Variants in ADARB2 observed in about 807,000 individuals in gnomAD.
The protein encoded by ADARB2 is inactive double-stranded RNA-specific editase B2.
Under a neutral mutation model 62.2 loss-of-function variants are expected in ADARB2, and 25 were observed. That is an observed-to-expected ratio of 0.40 (90% CI 0.29 to 0.56). The LOEUF (loss-of-function observed/expected upper bound fraction) is 0.56. ADARB2 is among the 20% of genes least tolerant of loss of function. ADARB2 has a pLI of 0.43. For synonymous variants in ADARB2, 572 were observed against 500.8 expected (o/e 1.14, Z -1.90); for missense variants, 1,071 against 1,077.4 (o/e 0.99, Z 0.08).
chr10:1,516,740 C>A (rs530381218), intron 1 of ADARB2, among the ~76,000 whole-genome samples: 1 of 152,160 alleles, frequency 6.6e-6, no homozygotes, highest in African/African-American at 2.4e-5. Flanking sequence ...AACTGTGATG[C>A]GACAGAGATG....
In ADARB2 at chr10:1,505,021, A is replaced by G. The variant is rs564225974; in HGVS notation, c.101-125861T>C. 1.2e-4 allele frequency among the ~76,000 whole-genome samples: 18 copies of G among 152,036 alleles called. 1 individual carries two copies. The East Asian group carries it at 3.3e-3, about 28-fold the overall frequency. Reference sequence around the variant, plus strand: ...ACATGCACACATGATGCACAAACACACAGACACAGCCACACATGCACGACA... The same window carrying G: ...ACATGCACACATGATGCACAAACACGCAGACACAGCCACACATGCACGACA... On this transcript the variant is annotated intron_variant, in intron 1 of 9. Transcript: ENST00000381312.
chr10:1,186,421 G>A (rs1836759981), intron 8 of ADARB2: 4 of 505,238 alleles, frequency 7.9e-6, no homozygotes, highest in South Asian at 1.4e-5. Context: ...GTGTTGAGAC[G>A]CTTGGTTTAT....
At chr10:1,717,626 G>A (rs1835036884) in intron 1 of ADARB2, among the ~76,000 whole-genome samples, 1 of 150,700 alleles carries the variant, frequency 6.6e-6, no homozygotes. Flanking sequence ...CACCAAGTCT[G>A]GAGTGCAATG....
At chr10:1,233,897 G>A (rs1830834687) in intron 5 of ADARB2, 52 bp from the exon 6 acceptor site, 8 of 1,557,690 alleles carry the variant, frequency 5.1e-6, no homozygotes, top group Non-Finnish European at 7.0e-6. Flanking sequence ...AACCAGAAAT[G>A]TTCCAACCAG....
intron 1 of ADARB2, among the ~76,000 whole-genome samples, chr10:1,568,119 C>T (rs1276819461): frequency 1.3e-5 from 2 of 152,240 alleles, no homozygotes; most frequent in Non-Finnish European, 2.9e-5. Context: ...CGGCGCAGTG[C>T]AAACCACCCG....
At chr10:1,297,002 C>A (rs1831529200) in intron 3 of ADARB2, among the ~76,000 whole-genome samples, 1 of 152,176 alleles carries the variant, frequency 6.6e-6, no homozygotes. Context: ...TTCGTGTTTT[C>A]CTTTTCTTTT....
At chr10:1,624,279 A>G (rs996119569) in intron 1 of ADARB2, among the ~76,000 whole-genome samples, 4 of 152,152 alleles carry the variant, frequency 2.6e-5, no homozygotes, top group South Asian at 2.1e-4. Flanking sequence ...AAAACCAAAG[A>G]AAAAAAGAAA....
chr10:1,514,313 G>A (rs1033645340), intron 1 of ADARB2, among the ~76,000 whole-genome samples: 6 of 151,164 alleles, frequency 4.0e-5, no homozygotes, highest in Admixed American at 6.6e-5. Context: ...GACAGTAGTC[G>A]GGGAATCAGT....
chr10:1,324,653 G>A (rs1564257165), intron 3 of ADARB2, among the ~76,000 whole-genome samples: 1 of 152,184 alleles, frequency 6.6e-6, no homozygotes, highest in Non-Finnish European at 1.5e-5. Context: ...CTGCATGATT[G>A]CATTTATATA....
In ADARB2 at chr10:1,569,684, G is replaced by T. The variant is rs187177917; in HGVS notation, c.100+167367C>A. Among the ~76,000 whole-genome samples the T allele has an allele frequency of 3.3e-5, 5 of 152,000 alleles. No homozygotes were observed. In the East Asian group the frequency reaches 9.7e-4, roughly 29 times the overall value. Reference sequence around the variant, plus strand: ...TTGTCATATCTTAAAATCAGTTTAGGGTTTAATTGGCCATAAATTTGATCA... The same window carrying T: ...TTGTCATATCTTAAAATCAGTTTAGTGTTTAATTGGCCATAAATTTGATCA... On this transcript the variant is annotated intron_variant, in intron 1 of 9. Transcript: ENST00000381312.
intron 1 of ADARB2, among the ~76,000 whole-genome samples, chr10:1,723,309 C>T (rs891338891): frequency 6.6e-6 from 1 of 152,250 alleles, no homozygotes; most frequent in Non-Finnish European, 1.5e-5. Context: ...CTCCTGTCCT[C>T]TGGGGACCTG....
At chr10:1,487,189 A>G (rs1303217912) in intron 1 of ADARB2, among the ~76,000 whole-genome samples, 1 of 152,222 alleles carries the variant, frequency 6.6e-6, no homozygotes, top group Non-Finnish European at 1.5e-5. Flanking sequence ...AACCAAATCC[A>G]TCTACGACTG....
intron 3 of ADARB2, among the ~76,000 whole-genome samples, chr10:1,312,768 C>T (rs12250569): frequency 2.2e-3 from 332 of 152,316 alleles, no homozygotes; most frequent in African/African-American, 7.0e-3. Context: ...CTTTCCTCTG[C>T]GGAGGTGTCA....
At chr10:1,517,050 G>A (rs1380768990) in intron 1 of ADARB2, among the ~76,000 whole-genome samples, 1 of 152,166 alleles carries the variant, frequency 6.6e-6, no homozygotes, top group Non-Finnish European at 1.5e-5. Context: ...CCCAGCGGTC[G>A]TGGCGTCAGG....
At chr10:1,292,984 GAGAGAGGGAGAGGGAGGGAAGGA>G (rs1831482012) in intron 3 of ADARB2, 1 of 77,800 alleles carries the variant, frequency 1.3e-5, no homozygotes, top group Non-Finnish European at 3.1e-5. Flanking sequence ...GGGAAGGAGA[GAGAGAGGGAGAGGGAGGGAAGGA>G]GAGAGGGAGG....
intron 1 of ADARB2, among the ~76,000 whole-genome samples, chr10:1,424,345 T>C (rs1832877506): frequency 6.6e-6 from 1 of 152,176 alleles, no homozygotes; most frequent in African/African-American, 2.4e-5. Flanking sequence ...TGGGCCTGTG[T>C]GAGAGCAAGA....
chr10:1,294,349 C>T (rs1831504561), intron 3 of ADARB2, among the ~76,000 whole-genome samples: 1 of 152,124 alleles, frequency 6.6e-6, no homozygotes, highest in African/African-American at 2.4e-5. Context: ...CTTGTGATGC[C>T]TGGGACCTGG....
At chr10:1,200,226 G>A in intron 7 of ADARB2, 79 bp from the exon 8 acceptor site, 1 of 1,531,618 alleles carries the variant, frequency 6.5e-7, no homozygotes, top group Non-Finnish European at 8.8e-7. Flanking sequence ...TCTGCGGCCT[G>A]GTCCTGAGGA....
At position 1,181,697 on chromosome 10, in the gene ADARB2, CT is replaced by C. The variant is rs1193229472; in HGVS notation, c.*1495del. On this transcript the variant is annotated 3_prime_UTR_variant, in exon 10 of 10. Transcript: ENST00000381312. ...CTTTCTGGGGTGGTCAGCTGGGATT[CT>C]TTCCGGGAAGCCCACACCCCAGAGG... is the stretch of plus-strand genomic sequence containing the variant. 6 of 152,240 alleles carry C rather than the reference CT, an allele frequency of 3.9e-5. No homozygotes were observed. Among genetic ancestry groups the C allele is most frequent in the Admixed American group, 1.3e-4 (2 of 15,292 alleles). 9.4% of individuals were successfully genotyped at this position (152,240 alleles called of 1,614,324 possible). A position where few individuals can be genotyped will look rare whatever the true frequency, so the allele number is the denominator to read the frequency against.
Sources: gnomAD v4.1 joint callset for allele counts (sites outside exome capture counted in the v4.1 genomes callset) on GRCh38, gnomAD v4.1.1 for gene constraint, MANE v1.5 for transcripts, NCBI Gene and HGNC (gene_info 2026-07-23, HGNC 2026-07-21) for gene names.